The following ZDHHC14 variants were observed in gnomAD, a reference collection of about 807,000 sequenced individuals.
ZDHHC14 encodes palmitoyltransferase ZDHHC14.
A neutral mutation model predicts 47.7 loss-of-function variants in ZDHHC14; 16 were observed. That is an observed-to-expected ratio of 0.34 (90% CI 0.23 to 0.51). The LOEUF is 0.51. Among genes scored for constraint, ZDHHC14 ranks in the 20% least tolerant of loss-of-function variants. The pLI is 0.97. For missense variants in ZDHHC14, 515 were observed against 662.5 expected (o/e 0.78, Z 2.44); for synonymous variants, 293 against 278.9 (o/e 1.05, Z -0.50).
chr6:157,395,525 G>C (rs923408284), intron 1 of ZDHHC14, among the ~76,000 whole-genome samples: 28 of 152,052 alleles, frequency 1.8e-4, no homozygotes, highest in Non-Finnish European at 1.6e-4. Context: ...GCCGGGCGCG[G>C]TGGCTCATGG....
intron 2 of ZDHHC14, among the ~76,000 whole-genome samples, chr6:157,581,146 A>G (rs1783505353): frequency 6.6e-6 from 1 of 152,084 alleles, no homozygotes; most frequent in Non-Finnish European, 1.5e-5. Context: ...GTTGCAAAGA[A>G]CTTCTTGATT....
At chr6:157,444,006 A>G (rs572814457) in intron 1 of ZDHHC14, among the ~76,000 whole-genome samples, 1 of 152,356 alleles carries the variant, frequency 6.6e-6, no homozygotes, top group African/African-American at 2.4e-5. Context: ...CATTTAATAA[A>G]TGTTCTATGT....
At chr6:157,656,792 C>T (rs1373494113) in intron 8 of ZDHHC14, among the ~76,000 whole-genome samples, 2 of 152,038 alleles carry the variant, frequency 1.3e-5, no homozygotes, top group East Asian at 1.9e-4. Context: ...TCTGAACACC[C>T]CAGGAAAGAG....
At chr6:157,449,387 T>A (rs1350028444) in intron 1 of ZDHHC14, among the ~76,000 whole-genome samples, 1 of 152,232 alleles carries the variant, frequency 6.6e-6, no homozygotes, top group Non-Finnish European at 1.5e-5. Context: ...AAATCAGATT[T>A]ATTGAGGCAT....
At chr6:157,408,652 G>T (rs1777815226) in intron 1 of ZDHHC14, among the ~76,000 whole-genome samples, 1 of 152,068 alleles carries the variant, frequency 6.6e-6, no homozygotes, top group Admixed American at 6.5e-5. Flanking sequence ...CCTTTTTATG[G>T]CTGCATAGTA....
At chr6:157,515,643 T>C (rs1361309788) in intron 1 of ZDHHC14, among the ~76,000 whole-genome samples, 1 of 151,904 alleles carries the variant, frequency 6.6e-6, no homozygotes, top group African/African-American at 2.4e-5. Context: ...TTTTCGTGTT[T>C]TTTAGTAGAG....
chr6:157,386,692 G>A lies in ZDHHC14; in HGVS notation c.245+4426G>A, dbSNP rs144487690. 5.8e-3 allele frequency among the ~76,000 whole-genome samples: 878 copies of A among 152,230 alleles called. 12 individuals are homozygous for A. The highest frequency in any genetic ancestry group is 0.02 in the African/African-American group (838 of 41,520). On this transcript the variant is annotated intron_variant, in intron 1 of 8. Transcript: ENST00000359775. Reference sequence around the variant, plus strand: ...CTGTGTTTAGGGGAGGTGGGGAGCCGACTGCAGTGCTATCCAGACAGCTCA... The same window carrying A: ...CTGTGTTTAGGGGAGGTGGGGAGCCAACTGCAGTGCTATCCAGACAGCTCA...
chr6:157,482,977 C>T (rs1273054640), intron 1 of ZDHHC14, among the ~76,000 whole-genome samples: 2 of 151,618 alleles, frequency 1.3e-5, no homozygotes, highest in Non-Finnish European at 2.9e-5. Flanking sequence ...CTCCTGACCT[C>T]GTGATCTGCC....
intron 2 of ZDHHC14, among the ~76,000 whole-genome samples, chr6:157,553,622 C>T (rs573654235): frequency 2.7e-5 from 4 of 150,004 alleles, no homozygotes; most frequent in South Asian, 2.1e-4. Flanking sequence ...ACTTTAGACT[C>T]GTATGCTGGG....
At chr6:157,603,072 G>A (rs1409961547) in intron 3 of ZDHHC14, among the ~76,000 whole-genome samples, 5 of 152,320 alleles carry the variant, frequency 3.3e-5, no homozygotes, top group African/African-American at 1.2e-4. Context: ...GGATGTTGCC[G>A]TGGCTTACTG....
chr6:157,435,050 C>T (rs1468039452), intron 1 of ZDHHC14, among the ~76,000 whole-genome samples: 1 of 152,226 alleles, frequency 6.6e-6, no homozygotes, highest in Admixed American at 6.5e-5. Context: ...GAACACAGAT[C>T]TCCATGGCTA....
chr6:157,441,218 C>T (rs945388933), intron 1 of ZDHHC14, among the ~76,000 whole-genome samples: 3 of 152,142 alleles, frequency 2.0e-5, no homozygotes, highest in Non-Finnish European at 4.4e-5. Flanking sequence ...CTGGAAGGAT[C>T]GCTCATGGCT....
At chr6:157,499,873 G>T (rs564975200) in intron 1 of ZDHHC14, among the ~76,000 whole-genome samples, 1 of 152,146 alleles carries the variant, frequency 6.6e-6, no homozygotes, top group Non-Finnish European at 1.5e-5. Flanking sequence ...TTCATTCAAC[G>T]AATATTTGCT....
intron 1 of ZDHHC14, among the ~76,000 whole-genome samples, chr6:157,461,639 G>A (rs1012477309): frequency 5.9e-5 from 9 of 152,220 alleles, no homozygotes; most frequent in East Asian, 3.9e-4. Flanking sequence ...AGCAGCCTCC[G>A]CCCCACCCTG....
In ZDHHC14 at chr6:157,463,839, A is replaced by G. The variant is rs1035237878; in HGVS notation, c.246-78746A>G. ...CAGGAGTTCGAGACCAGCCTGGCCA[A>G]TGTGGTGAAACCCCATCTCTACAAA... On this transcript the variant is annotated intron_variant, in intron 1 of 8. Transcript: ENST00000359775. This position sits in a 1 kb window ranked among gnomAD's most constrained non-coding sequence, Gnocchi z 4.4. Among the ~76,000 whole-genome samples the G allele has an allele frequency of 6.6e-5, 10 of 152,142 alleles. No individual in the cohort carries two copies. The highest frequency in any genetic ancestry group is 2.2e-4 in the African/African-American group (9 of 41,428).
intron 1 of ZDHHC14, among the ~76,000 whole-genome samples, chr6:157,400,005 T>C (rs2114744945): frequency 6.6e-6 from 1 of 152,332 alleles, no homozygotes; most frequent in South Asian, 2.1e-4. Flanking sequence ...GTAACCTCCT[T>C]CTCCATTACC....
At chr6:157,535,438 G>A (rs1242643098) in intron 1 of ZDHHC14, among the ~76,000 whole-genome samples, 1 of 152,170 alleles carries the variant, frequency 6.6e-6, no homozygotes, top group Non-Finnish European at 1.5e-5. Context: ...AGAGAGACGC[G>A]TGTGAAAAAG....
At chr6:157,667,124 T>C (rs1421951514) in intron 8 of ZDHHC14, among the ~76,000 whole-genome samples, 1 of 152,256 alleles carries the variant, frequency 6.6e-6, no homozygotes, top group Non-Finnish European at 1.5e-5. Context: ...TAATATTTGA[T>C]ACATATGAAC....
rs1778404726 is a variant in ZDHHC14 at position 157,434,666 on chromosome 6, A to AT, written c.245+52402dup. Among the ~76,000 whole-genome samples the AT allele has an allele frequency of 2.8e-5, 4 of 141,292 alleles. No individual in the cohort carries two copies. The South Asian group carries it at 9.1e-4, about 32-fold the overall frequency. 92.7% of individuals were successfully genotyped at this position (141,292 alleles called of 152,430 possible). On this transcript the variant is annotated intron_variant, in intron 1 of 8. Transcript: ENST00000359775. ...AAAATGGATCTTTTGCCCCAGTTTT[A>AT]TTCGTTTATCAAATGTTTGTCAGTG...
Sources: allele counts gnomAD v4.1 joint callset (sites outside exome capture counted in the v4.1 genomes callset), GRCh38; gene constraint gnomAD v4.1.1; non-coding constraint Gnocchi (gnomAD v3.1); transcripts MANE v1.5; gene names NCBI Gene and HGNC (gene_info 2026-07-23, HGNC 2026-07-21).